Variants in MACROD2 observed in about 807,000 individuals in gnomAD.
MACROD2 encodes mono-ADP ribosylhydrolase 2.
Under a neutral mutation model 70.4 loss-of-function variants are expected in MACROD2, and 36 were observed. That is an observed-to-expected ratio of 0.51 (90% CI 0.39 to 0.68). MACROD2 has a LOEUF of 0.68. Among genes scored for constraint, MACROD2 ranks in the 30% least tolerant of loss-of-function variants. The pLI is 0.00. For missense variants in MACROD2, 496 were observed against 538.4 expected, an observed-to-expected ratio of 0.92 and a Z score of 0.78; for synonymous variants, 172 against 178.8, an observed-to-expected ratio of 0.96 and a Z score of 0.30.
chr20:14,010,461 AT>A (rs1408985091), intron 2 of MACROD2, among the ~76,000 whole-genome samples: 3 of 152,086 alleles, frequency 2.0e-5, no homozygotes, highest in African/African-American at 7.2e-5. Context: ...ATACATTGTA[AT>A]TTCTGTCTGA....
chr20:15,278,680 G>T (rs1171718480), intron 6 of MACROD2, among the ~76,000 whole-genome samples: 1 of 152,174 alleles, frequency 6.6e-6, no homozygotes, highest in East Asian at 1.9e-4. Context: ...TCTCTGGGGA[G>T]GGGTGGTGTT....
chr20:14,758,611 G>A (rs1011247208), intron 5 of MACROD2, among the ~76,000 whole-genome samples: 40 of 152,240 alleles, frequency 2.6e-4, no homozygotes, highest in Admixed American at 2.4e-3. Flanking sequence ...CCCATGCACT[G>A]TACAGCATTT....
chr20:14,044,903 C>A (rs1216478786), intron 2 of MACROD2, among the ~76,000 whole-genome samples: 3 of 152,156 alleles, frequency 2.0e-5, no homozygotes, highest in African/African-American at 7.2e-5. Context: ...AGGCTCGGGC[C>A]ACGCAGGAGC....
chr20:15,646,889 G>T (rs185643753), intron 8 of MACROD2, among the ~76,000 whole-genome samples: 150 of 152,304 alleles, frequency 9.8e-4, no homozygotes, highest in Non-Finnish European at 2.0e-3. Flanking sequence ...GTGTCAGGCA[G>T]TTCTTTACAG....
At chr20:14,168,190 A>T (rs964611455) in intron 3 of MACROD2, among the ~76,000 whole-genome samples, 7 of 152,242 alleles carry the variant, frequency 4.6e-5, no homozygotes, top group Non-Finnish European at 8.8e-5. Flanking sequence ...TTGTAAAATT[A>T]TGAGTGAGTA....
chr20:14,926,547 A>G (rs980822482), intron 5 of MACROD2, among the ~76,000 whole-genome samples: 3 of 91,934 alleles, frequency 3.3e-5, no homozygotes, highest in Non-Finnish European at 6.2e-5. Flanking sequence ...AGACTCCGTC[A>G]AAAAAAAAAA....
At chr20:15,598,077 CT>C (rs2048769673) in intron 8 of MACROD2, among the ~76,000 whole-genome samples, 1 of 151,986 alleles carries the variant, frequency 6.6e-6, no homozygotes, top group African/African-American at 2.4e-5. Flanking sequence ...GAGACTCTGT[CT>C]CAAAAAAATA....
intron 5 of MACROD2, among the ~76,000 whole-genome samples, chr20:14,774,540 G>T (rs1341266836): frequency 6.6e-6 from 1 of 152,038 alleles, no homozygotes; most frequent in African/African-American, 2.4e-5. Flanking sequence ...ATTTCTATCT[G>T]AATGTCTCCT....
At chr20:15,505,976 A>G (rs927748765) in intron 8 of MACROD2, among the ~76,000 whole-genome samples, 1 of 152,194 alleles carries the variant, frequency 6.6e-6, no homozygotes, top group Non-Finnish European at 1.5e-5. Flanking sequence ...GGAGGGAAAC[A>G]CAACACCTGT....
intron 5 of MACROD2, among the ~76,000 whole-genome samples, chr20:14,852,000 G>C (rs1469776766): frequency 6.6e-6 from 1 of 152,144 alleles, no homozygotes; most frequent in East Asian, 1.9e-4. Flanking sequence ...GGCCAGAGGG[G>C]ACATGTCAGA....
intron 5 of MACROD2, among the ~76,000 whole-genome samples, chr20:15,136,839 C>G (rs1320656365): frequency 6.6e-6 from 1 of 151,470 alleles, no homozygotes; most frequent in African/African-American, 2.4e-5. Flanking sequence ...TATCCAGAAT[C>G]TACAATGAAC....
intron 8 of MACROD2, among the ~76,000 whole-genome samples, chr20:15,659,342 A>G (rs1458444305): frequency 4.3e-5 from 4 of 93,408 alleles, no homozygotes; most frequent in Non-Finnish European, 6.0e-5. Flanking sequence ...TTGTCTCTTG[A>G]TAGAATTAGG....
chr20:15,991,807 A>C (rs2066562735), intron 15 of MACROD2, among the ~76,000 whole-genome samples: 1 of 152,172 alleles, frequency 6.6e-6, no homozygotes, highest in African/African-American at 2.4e-5. Context: ...AAATTCAACA[A>C]CCAAAATTAT....
intron 8 of MACROD2, among the ~76,000 whole-genome samples, chr20:15,506,755 C>T (rs1382900199): frequency 6.6e-6 from 1 of 152,206 alleles, no homozygotes; most frequent in East Asian, 1.9e-4. Context: ...CTATTATTTA[C>T]ACTTATGCAA....
chr20:14,211,728 T>C (rs2122134787), intron 3 of MACROD2, among the ~76,000 whole-genome samples: 1 of 152,300 alleles, frequency 6.6e-6, no homozygotes, highest in Admixed American at 6.5e-5. Context: ...TCATGAGTGG[T>C]CACCGTAGTG....
intron 8 of MACROD2, among the ~76,000 whole-genome samples, chr20:15,823,929 A>G (rs1326514475): frequency 6.6e-6 from 1 of 152,226 alleles, no homozygotes; most frequent in African/African-American, 2.4e-5. Flanking sequence ...GAAGCCACTG[A>G]TGAAATCACT....
chr20:14,362,447 T>C (rs1168687499), intron 3 of MACROD2, among the ~76,000 whole-genome samples: 1 of 152,172 alleles, frequency 6.6e-6, no homozygotes, highest in African/African-American at 2.4e-5. Context: ...AAGACAGTTT[T>C]TACCCTCTTG....
intron 15 of MACROD2, among the ~76,000 whole-genome samples, chr20:16,029,246 A>G (rs2067121144): frequency 1.3e-5 from 2 of 152,152 alleles, no homozygotes; most frequent in African/African-American, 4.8e-5. Flanking sequence ...TGGGGCTACA[A>G]CCTTTGAATT....
chr20:14,513,804 C>T (rs2085056570), intron 4 of MACROD2, among the ~76,000 whole-genome samples: 1 of 152,020 alleles, frequency 6.6e-6, no homozygotes, highest in East Asian at 1.9e-4. Context: ...CAAATAATCT[C>T]TATCTCCTTT....
Sources: gnomAD v4.1 joint callset for allele counts (sites outside exome capture counted in the v4.1 genomes callset) on GRCh38, gnomAD v4.1.1 for gene constraint, MANE v1.5 for transcripts, NCBI Gene and HGNC (gene_info 2026-07-23, HGNC 2026-07-21) for gene names.